The following CFAP74 variants were observed in gnomAD, a reference collection of about 807,000 sequenced individuals.
CFAP74 encodes the protein cilia- and flagella-associated protein 74.
Under a neutral mutation model 188.9 loss-of-function variants are expected in CFAP74, and 124 were observed. That is an observed-to-expected ratio of 0.66 (90% CI 0.57 to 0.76). The LOEUF (loss-of-function observed/expected upper bound fraction) is 0.76. Among genes scored for constraint, CFAP74 ranks in the 30% least tolerant of loss-of-function variants. The probability of loss-of-function intolerance (pLI) is 0.00; values close to 1 mark genes in which losing one functional copy is unlikely to be tolerated. For missense variants in CFAP74, 2,198 were observed against 2,165.2 expected (o/e 1.02, Z -0.30); for synonymous variants, 956 against 916.7 (o/e 1.04, Z -0.77).
At chr1:1,974,321 C>T (rs1656296169) in intron 6 of CFAP74, 123 bp from the exon 7 acceptor site, 2 of 912,500 alleles carry the variant, frequency 2.2e-6, no homozygotes, top group Middle Eastern at 2.4e-4. Context: ...GGTTAGCTCC[C>T]TCCTCTAGGG....
At chr1:1,955,374 C>T in intron 18 of CFAP74, 7 of 1,359,690 alleles carry the variant, frequency 5.1e-6, no homozygotes, top group Non-Finnish European at 6.8e-6. Flanking sequence ...CCCCCCGCAG[C>T]CCGGCCCCTC....
Position 1,964,927 on chromosome 1 carries a change from T to C in CFAP74, c.1536A>G (p.Gly512=). The C allele has an allele frequency of 6.2e-7, 1 of 1,613,782 alleles. No homozygotes were observed. The highest frequency in any genetic ancestry group is 1.3e-5 in the African/African-American group (1 of 75,022). ...KQVVWGREFQ[G]RPFNSKPELL... ...GCTCCGGTTTGCTGTTGAAGGGGCG[T>C]CCTTGGAACTCACGCCCCCACACCA... is the stretch of plus-strand genomic sequence containing the variant. The change falls in exon 13 of 39, where the codon GGA becomes GGG. Residue 512 remains glycine (G), a synonymous_variant. Coordinates refer to ENST00000682832, the MANE Select transcript of CFAP74 (RefSeq NM_001304360.2).
intron 1 of CFAP74, among the ~76,000 whole-genome samples, chr1:1,994,778 C>T (rs958408753): frequency 1.3e-5 from 2 of 152,198 alleles, no homozygotes; most frequent in African/African-American, 2.4e-5. Context: ...CGGTTAAAGA[C>T]GGCACTTCCA....
At chr1:1,972,651 G>A (rs1184750279) in intron 8 of CFAP74, among the ~76,000 whole-genome samples, 2 of 152,200 alleles carry the variant, frequency 1.3e-5, no homozygotes, top group African/African-American at 4.8e-5. Context: ...TTCAAGACCA[G>A]CCTGGTCAAC....
Position 1,968,962 on chromosome 1 carries a change from G to A in CFAP74, c.1047-129C>T, listed in dbSNP as rs76342153. ...CTCCGGTCCTGCCCAGCAGCCCCAG[G>A]TGAGACAGCGCCTGGCGGCCCCTCC... On this transcript the variant is annotated intron_variant, in intron 10 of 38. Transcript: ENST00000682832. This position sits in a 1 kb window ranked among gnomAD's most constrained non-coding sequence, Gnocchi z 4.3. 637 of 455,582 alleles carry A rather than the reference G, an allele frequency of 1.4e-3. 3 individuals carry two copies. Among genetic ancestry groups the A allele is most frequent in the African/African-American group, 0.014 (552 of 39,990 alleles). The allele number at this position is 455,582 out of a possible 1,614,324, so 28.2% of individuals were successfully genotyped here. A position where few individuals can be genotyped will look rare whatever the true frequency, so the allele number is the denominator to read the frequency against.
intron 38 of CFAP74, 36 bp downstream of exon 38, chr1:1,922,553 C>T (rs772915434): frequency 3.7e-6 from 6 of 1,604,674 alleles, no homozygotes; most frequent in East Asian, 4.5e-5. Flanking sequence ...TTTGGCGTTC[C>T]CAGGGCTCCC....
intron 11 of CFAP74, 79 bp from the exon 12 acceptor site, chr1:1,966,605 C>T (rs974424821): frequency 1.7e-4 from 224 of 1,317,258 alleles, no homozygotes; most frequent in Non-Finnish European, 2.1e-4. Flanking sequence ...CAGCCCCCGC[C>T]GGTATGGCCC....
At chr1:1,938,314 TGCACTCACACACAAG>T (rs1237673016) in intron 25 of CFAP74, among the ~76,000 whole-genome samples, 2 of 140,732 alleles carry the variant, frequency 1.4e-5, no homozygotes, top group African/African-American at 2.6e-5. Context: ...CCCACATACA[TGCACTCACACACAAG>T]GCACTCACAC....
In CFAP74 at chr1:1,979,505, G is replaced by A. The variant is rs534515385; in HGVS notation, c.501-5307C>T. Among the ~76,000 whole-genome samples the A allele has an allele frequency of 2.0e-4, 27 of 134,932 alleles. No homozygotes were observed. The South Asian group carries it at 3.9e-3, about 20-fold the overall frequency. 88.5% of individuals were successfully genotyped at this position (134,932 alleles called of 152,430 possible). The stretch of plus-strand genomic sequence containing the variant: ...GGTACTGAGCTGGGCGTGGGAAGGC[G>A]TCACGTGACGAAGCTGCGCAGAACA... On this transcript the variant is annotated intron_variant, in intron 6 of 38. Transcript: ENST00000682832.
At position 1,966,087 on chromosome 1, in the gene CFAP74, C is replaced by T. The variant is rs548355429; in HGVS notation, c.1401+284G>A. On this transcript the variant is annotated intron_variant, in intron 12 of 38. Transcript: ENST00000682832. ...CAGCCTTTCAGCTTTGGAGCCCCACCGTCCCTCCCCGTTACACCATGGTGA... is the reference window on the plus strand; with the variant it reads ...CAGCCTTTCAGCTTTGGAGCCCCACTGTCCCTCCCCGTTACACCATGGTGA... Among the ~76,000 whole-genome samples the T allele has an allele frequency of 6.6e-5, 10 of 152,364 alleles. No individual in the cohort carries two copies. The East Asian group carries it at 1.2e-3, about 18-fold the overall frequency.
intron 6 of CFAP74, among the ~76,000 whole-genome samples, chr1:1,981,957 A>C (rs56273126): frequency 0.014 from 317 of 22,526 alleles, 4 homozygotes; most frequent in South Asian, 0.02. Flanking sequence ...CGCAGGACAC[A>C]CAGCCGCGGA....
chr1:1,938,210 CAT>C (rs1653062802), intron 25 of CFAP74, among the ~76,000 whole-genome samples: 1 of 140,604 alleles, frequency 7.1e-6, no homozygotes, highest in African/African-American at 2.7e-5. Flanking sequence ...CATGCTCACA[CAT>C]ACATGCACTC....
At chr1:1,922,516 T>C (rs1651462687) in intron 38 of CFAP74, 73 bp downstream of exon 38, 2 of 1,568,860 alleles carry the variant, frequency 1.3e-6, no homozygotes, top group Non-Finnish European at 1.7e-6. Flanking sequence ...CCCCTGGGAC[T>C]GGGCAGGGGT....
At chr1:2,001,168 G>A (rs751679627) in intron 1 of CFAP74, among the ~76,000 whole-genome samples, 4 of 152,136 alleles carry the variant, frequency 2.6e-5, no homozygotes, top group East Asian at 1.9e-4. Context: ...GAAAGAGGGC[G>A]GCCCCAGGTG....
At position 1,934,445 on chromosome 1, in the gene CFAP74, A is replaced by G. The variant is rs1292882506; in HGVS notation, c.3012-4109T>C. Among the ~76,000 whole-genome samples, 10 of 108,182 alleles carry G rather than the reference A, an allele frequency of 9.2e-5. 2 individuals are homozygous for G. The highest frequency in any genetic ancestry group is 6.4e-4 in the South Asian group (2 of 3,102). The allele number at this position is 108,182 out of a possible 152,430, so 71.0% of individuals were successfully genotyped here. ...GTGTGTTGTAGGTACACATGTGTGT[A>G]TTAGGTTGTAGGTACACAGGTGTGT... On this transcript the variant is annotated intron_variant, in intron 25 of 38. Coordinates refer to ENST00000682832, the MANE Select transcript of CFAP74 (RefSeq NM_001304360.2).
At chr1:1,955,072 C>CGGAAGTGCGGCTCACACG (rs1654473394) in intron 18 of CFAP74, 46 of 695,078 alleles carry the variant, frequency 6.6e-5, no homozygotes, top group Non-Finnish European at 8.2e-5. Context: ...CGGCTCACAC[C>CGGAAGTGCGGCTCACACG]GGAAGTGCGG....
rs1180460211 is a variant in CFAP74 at position 1,923,333 on chromosome 1, C to A, written c.4522+34G>T. ...CCACGGGACAGGGGCACCGGGAGGC[C>A]CCGTGTCTGTTCCCTCCCTGGGGAG... On this transcript the variant is annotated intron_variant, in intron 36 of 38. Transcript: ENST00000682832. The surrounding 1 kb of genome is among the most constrained non-coding windows in gnomAD (Gnocchi z 6.3). 1.3e-6 allele frequency: 2 copies of A among 1,539,806 alleles called. No individual in the cohort carries two copies. Among genetic ancestry groups the A allele is most frequent in the Non-Finnish European group, 1.8e-6 (2 of 1,138,456 alleles).
rs1303048348 is a variant in CFAP74, at chr1:1,942,088, G to A, written c.2555C>T (p.Pro852Leu). 5 of 1,532,624 alleles carry A rather than the reference G, an allele frequency of 3.3e-6. No homozygotes were observed. In the South Asian group the frequency reaches 6.0e-5, roughly 18 times the overall value. The allele number at this position is 1,532,624 out of a possible 1,614,324, so 94.9% of individuals were successfully genotyped here. A position where few individuals can be genotyped will look rare whatever the true frequency, so the allele number is the denominator to read the frequency against. Residue 852 changes from proline (P) to leucine (L), a missense_variant, in exon 22 of 39, where the codon CCC becomes CTC. By Grantham distance (98) the Pro-to-Leu change is moderately conservative (BLOSUM62 -3). Transcript: ENST00000682832. The surrounding 1 kb of genome is among the most constrained non-coding windows in gnomAD (Gnocchi z 4.3). The stretch of plus-strand genomic sequence containing the variant: ...CTGTGCCTGGATATAGCCTGTCTTG[G>A]GCAGGAGCTCCAGGTGGGCCCTCAG... ...KELRAHLELL[P>L]KTGYIQAQSS...
chr1:1,943,096 C>T (rs1331103584), intron 21 of CFAP74, among the ~76,000 whole-genome samples: 1 of 152,224 alleles, frequency 6.6e-6, no homozygotes, highest in Non-Finnish European at 1.5e-5. Flanking sequence ...CGCTGCTCTG[C>T]CTTCCGGTTC....
Sources: allele counts gnomAD v4.1 joint callset (sites outside exome capture counted in the v4.1 genomes callset), GRCh38; gene constraint gnomAD v4.1.1; non-coding constraint Gnocchi (gnomAD v3.1); transcripts MANE v1.5; gene names NCBI Gene and HGNC (gene_info 2026-07-23, HGNC 2026-07-21).